CERT1: variants seen among roughly 807,000 people sequenced by gnomAD.
CERT1 encodes ceramide transporter 1, also known as ceramide transfer protein.
A neutral mutation model predicts 87.9 loss-of-function variants in CERT1; 31 were observed. The observed-to-expected ratio is 0.35, with a 90% CI of 0.27 to 0.48. The LOEUF is 0.48. CERT1 is among the 20% of genes least tolerant of loss of function. The probability of loss-of-function intolerance (pLI) is 0.99; values close to 1 mark genes in which losing one functional copy is unlikely to be tolerated. For synonymous variants in CERT1, 289 were observed against 250.9 expected (o/e 1.15, Z -1.44); for missense variants, 487 against 758.0 (o/e 0.64, Z 4.20).
At chr5:75,374,508 A>G, downstream of CERT1, 1 of 719,432 alleles carries the variant, frequency 1.4e-6, no homozygotes, top group Non-Finnish European at 2.6e-6. Context: ...AAAGGGCCAC[A>G]GCCACGTGCA....
chr5:75,462,990 CAAAAAAAAAA>C (rs1174306526), intron 2 of CERT1, among the ~76,000 whole-genome samples: 2 of 38,908 alleles, frequency 5.1e-5, no homozygotes, highest in African/African-American at 8.4e-5. Flanking sequence ...GACTCCGTCT[CAAAAAAAAAA>C]AAAAAAAAAA....
intron 2 of CERT1, among the ~76,000 whole-genome samples, chr5:75,462,147 G>A (rs961369365): frequency 1.1e-4 from 17 of 152,088 alleles, no homozygotes; most frequent in Non-Finnish European, 5.9e-5. Flanking sequence ...TTGTTTTGGT[G>A]CTGAGAAGTA....
In CERT1 at chr5:75,483,681, C is replaced by A. The variant is rs1225313768; in HGVS notation, c.231+22301G>T. On this transcript the variant is annotated intron_variant, in intron 2 of 16. Coordinates refer to ENST00000643780, the MANE Select transcript of CERT1 (RefSeq NM_001379029.1). The stretch of plus-strand genomic sequence containing the variant: ...ACTTCTCAGTAGAAACATTATAGAA[C>A]ATGAAATAAAGTGCTGAAAAAAACT... Among the ~76,000 whole-genome samples the A allele has an allele frequency of 2.0e-5, 3 of 151,908 alleles. 1 individual carries two copies. The highest frequency in any genetic ancestry group is 4.4e-5 in the Non-Finnish European group (3 of 67,930).
chr5:75,440,962 T>C (rs1025973428), intron 3 of CERT1, among the ~76,000 whole-genome samples: 5 of 152,162 alleles, frequency 3.3e-5, no homozygotes, highest in African/African-American at 9.7e-5. Flanking sequence ...GCATTGCTAA[T>C]AAGGTCTTGG....
intron 2 of CERT1, among the ~76,000 whole-genome samples, chr5:75,495,448 C>T (rs1767011469): frequency 6.6e-6 from 1 of 152,148 alleles, no homozygotes; most frequent in Non-Finnish European, 1.5e-5. Context: ...GTCTCAGCTA[C>T]TCGGGGGGCT....
At chr5:75,508,439 T>C (rs1311553204) in intron 1 of CERT1, among the ~76,000 whole-genome samples, 1 of 152,210 alleles carries the variant, frequency 6.6e-6, no homozygotes, top group Non-Finnish European at 1.5e-5. Context: ...TATGTATCCA[T>C]AACTTAATAT....
chr5:75,476,084 G>T lies in CERT1; in HGVS notation c.232-16903C>A, dbSNP rs535016092. On this transcript the variant is annotated intron_variant, in intron 2 of 16. Coordinates refer to ENST00000643780, the MANE Select transcript of CERT1 (RefSeq NM_001379029.1). ...CTAATTTAGTTTTGAAACAATACAA[G>T]CTTCTCTAAAACATCTGTCTCTATC... 4.6e-5 allele frequency among the ~76,000 whole-genome samples: 7 copies of T among 152,158 alleles called. No homozygotes were observed. In the South Asian group the frequency reaches 1.5e-3, roughly 32 times the overall value.
At chr5:75,434,226 C>T (rs1193397362) in intron 3 of CERT1, among the ~76,000 whole-genome samples, 1 of 126,878 alleles carries the variant, frequency 7.9e-6, no homozygotes, top group Non-Finnish European at 1.6e-5. Context: ...GATGTTTAAT[C>T]TAAGGCCTTT....
intron 5 of CERT1, among the ~76,000 whole-genome samples, chr5:75,420,683 C>G (rs940148439): frequency 2.6e-5 from 4 of 152,130 alleles, no homozygotes; most frequent in Admixed American, 1.3e-4. Context: ...TTTAACATAC[C>G]TCTTTCTTCT....
chr5:75,391,351 T>C (rs192020213), intron 11 of CERT1, among the ~76,000 whole-genome samples: 7 of 152,374 alleles, frequency 4.6e-5, no homozygotes, highest in Admixed American at 4.6e-4. Flanking sequence ...AAAGCAGGTA[T>C]GGCCTTAAGT....
intron 2 of CERT1, among the ~76,000 whole-genome samples, chr5:75,477,986 A>AT (rs1224294266): frequency 6.6e-6 from 1 of 152,180 alleles, no homozygotes; most frequent in Non-Finnish European, 1.5e-5. Context: ...CACTTAAAAG[A>AT]TAAAAAAAGG....
intron 2 of CERT1, among the ~76,000 whole-genome samples, chr5:75,471,747 T>A (rs1765718556): frequency 7.4e-6 from 1 of 134,900 alleles, no homozygotes; most frequent in Non-Finnish European, 1.5e-5. Context: ...AGAGTGAGAC[T>A]TCATCTCAAA....
chr5:75,385,145 T>C (rs764440169), intron 13 of CERT1, among the ~76,000 whole-genome samples: 1 of 152,154 alleles, frequency 6.6e-6, no homozygotes, highest in Non-Finnish European at 1.5e-5. Flanking sequence ...TATCTATACT[T>C]AGGAAATTTT....
At chr5:75,456,917 G>A (rs1226362417) in intron 3 of CERT1, among the ~76,000 whole-genome samples, 2 of 152,038 alleles carry the variant, frequency 1.3e-5, no homozygotes, top group Non-Finnish European at 2.9e-5. Flanking sequence ...CGGGAACCTT[G>A]CAAAGGAACT....
intron 13 of CERT1, among the ~76,000 whole-genome samples, chr5:75,385,334 G>A (rs1311119764): frequency 3.3e-5 from 5 of 152,242 alleles, no homozygotes; most frequent in East Asian, 3.9e-4. Context: ...TTAGCTGGGC[G>A]TGATGGTGTG....
At chr5:75,431,054 T>C (rs1293928930) in intron 3 of CERT1, among the ~76,000 whole-genome samples, 2 of 152,118 alleles carry the variant, frequency 1.3e-5, no homozygotes, top group Non-Finnish European at 2.9e-5. Flanking sequence ...AACAAAAGAC[T>C]TACTGTTTTT....
chr5:75,474,437 G>A (rs1048835933), intron 2 of CERT1, among the ~76,000 whole-genome samples: 1 of 152,080 alleles, frequency 6.6e-6, no homozygotes, highest in Non-Finnish European at 1.5e-5. Context: ...AAGTTGTAAT[G>A]AAAATACCTG....
intron 2 of CERT1, among the ~76,000 whole-genome samples, chr5:75,467,551 G>GCTCT (rs1765511644): frequency 2.0e-5 from 3 of 151,286 alleles, no homozygotes; most frequent in Non-Finnish European, 4.4e-5. Context: ...TGAGTCCAGA[G>GCTCT]GATCGCTTGA....
intron 3 of CERT1, among the ~76,000 whole-genome samples, chr5:75,452,397 T>C (rs1255781167): frequency 6.6e-6 from 1 of 152,194 alleles, no homozygotes; most frequent in African/African-American, 2.4e-5. Context: ...TACCATAAAC[T>C]CTGTCAGAGG....
Sources: allele counts gnomAD v4.1 joint callset (sites outside exome capture counted in the v4.1 genomes callset), GRCh38; gene constraint gnomAD v4.1.1; transcripts MANE v1.5; gene names NCBI Gene and HGNC (gene_info 2026-07-23, HGNC 2026-07-21).